The following SCMH1 variants were observed in gnomAD, a reference collection of about 807,000 sequenced individuals.
The protein encoded by SCMH1 is Scm polycomb group protein homolog 1.
SCMH1 carries 37 observed loss-of-function variants against 70.8 expected under a neutral mutation model. The observed-to-expected ratio is 0.52, with a 90% CI of 0.40 to 0.69. The LOEUF (loss-of-function observed/expected upper bound fraction) is 0.69. SCMH1 is among the 30% of genes least tolerant of loss of function. SCMH1 has a pLI of 0.00. For synonymous variants in SCMH1, 292 were observed against 307.4 expected (o/e 0.95, Z 0.52); for missense variants, 607 against 827.3 (o/e 0.73, Z 3.27).
intron 6 of SCMH1, among the ~76,000 whole-genome samples, chr1:41,123,509 TA>T (rs1013873935): frequency 2.0e-5 from 3 of 152,148 alleles, no homozygotes; most frequent in Non-Finnish European, 4.4e-5. Context: ...TAGGGAACAT[TA>T]AAGAATACAT....
intron 8 of SCMH1, among the ~76,000 whole-genome samples, chr1:41,090,327 T>C (rs921494919): frequency 1.3e-5 from 2 of 152,216 alleles, no homozygotes; most frequent in African/African-American, 4.8e-5. Context: ...AACATTATTT[T>C]ATATTTTTGC....
chr1:41,139,144 T>C (rs892910748), intron 6 of SCMH1, among the ~76,000 whole-genome samples: 4 of 152,148 alleles, frequency 2.6e-5, no homozygotes, highest in Non-Finnish European at 2.9e-5. Flanking sequence ...GACTGCCATC[T>C]CCAGTCCACT....
chr1:41,159,924 CT>C, intron 4 of SCMH1: 1 of 832,786 alleles, frequency 1.2e-6, no homozygotes, highest in Non-Finnish European at 1.7e-6. Flanking sequence ...ATGTAATCTT[CT>C]TTACAACCCT....
intron 1 of SCMH1, among the ~76,000 whole-genome samples, chr1:41,187,943 T>C (rs1650697440): frequency 6.6e-6 from 1 of 151,978 alleles, no homozygotes. Flanking sequence ...GCTATGGTCA[T>C]ACCACTGCAC....
intron 2 of SCMH1, among the ~76,000 whole-genome samples, chr1:41,168,192 AG>A (rs1646540340): frequency 6.6e-6 from 1 of 151,936 alleles, no homozygotes; most frequent in African/African-American, 2.4e-5. Flanking sequence ...TTCTGACATA[AG>A]GCTTGGGAAG....
chr1:41,142,228 A>G (rs1572550018), intron 6 of SCMH1, among the ~76,000 whole-genome samples: 4 of 152,080 alleles, frequency 2.6e-5, no homozygotes, highest in Admixed American at 2.0e-4. Flanking sequence ...GAGAGGAAGT[A>G]TAGTCAAAGT....
intron 9 of SCMH1, among the ~76,000 whole-genome samples, chr1:41,075,014 C>A (rs1329794590): frequency 1.3e-5 from 2 of 152,220 alleles, no homozygotes; most frequent in Non-Finnish European, 2.9e-5. Flanking sequence ...AGGCGCCCAC[C>A]ACCACGCCTG....
intron 8 of SCMH1, chr1:41,098,596 T>C (rs1275138720): frequency 6.6e-6 from 1 of 152,314 alleles, no homozygotes; most frequent in Non-Finnish European, 1.5e-5. Flanking sequence ...GAGAATTTTA[T>C]GGTTCTGAAA....
chr1:41,045,036 C>T (rs2268680), intron 12 of SCMH1, among the ~76,000 whole-genome samples: 7,586 of 152,270 alleles, frequency 0.05, 291 homozygotes, highest in East Asian at 0.094. Context: ...TCCATTCTTT[C>T]AGAATCCCAG....
chr1:41,126,781 C>T (rs1417379154), intron 6 of SCMH1, among the ~76,000 whole-genome samples: 1 of 152,048 alleles, frequency 6.6e-6, no homozygotes, highest in Non-Finnish European at 1.5e-5. Context: ...TGTGAATGTA[C>T]TATATAACAT....
intron 12 of SCMH1, among the ~76,000 whole-genome samples, chr1:41,038,977 C>G (rs1288953820): frequency 1.3e-5 from 2 of 152,176 alleles, no homozygotes; most frequent in Admixed American, 1.3e-4. Flanking sequence ...ATGCTGAGAA[C>G]ATCAAATGAG....
intron 1 of SCMH1, among the ~76,000 whole-genome samples, chr1:41,238,376 G>A (rs1290523191): frequency 2.0e-5 from 3 of 152,124 alleles, no homozygotes; most frequent in African/African-American, 7.2e-5. Flanking sequence ...TGATTAATAT[G>A]AGTCCTGAAT....
chr1:41,221,827 G>C (rs112076075), intron 1 of SCMH1, among the ~76,000 whole-genome samples: 4,990 of 139,662 alleles, frequency 0.036, 278 homozygotes, highest in African/African-American at 0.12. Flanking sequence ...GGGAGGCAGA[G>C]GTTGCTGTGA....
chr1:41,080,820 T>C (rs1228059360), intron 8 of SCMH1, among the ~76,000 whole-genome samples: 1 of 152,172 alleles, frequency 6.6e-6, no homozygotes, highest in Non-Finnish European at 1.5e-5. Context: ...GCATTCTTAA[T>C]GGTGAAATAT....
In SCMH1 at chr1:41,092,915, A is replaced by T. The variant is rs577203311; in HGVS notation, c.746-17464T>A. Among the ~76,000 whole-genome samples, 124 of 152,298 alleles carry T rather than the reference A, an allele frequency of 8.1e-4. 1 individual carries two copies. Among genetic ancestry groups the T allele is most frequent in the Admixed American group, 4.8e-3 (73 of 15,304 alleles). ...TGTGGAGAAATAGGAATGCTTTTAC[A>T]CTACTGGTGGGACTGTAAACTAGTT... On this transcript the variant is annotated intron_variant, in intron 8 of 14. Coordinates refer to ENST00000337495, the Ensembl canonical transcript of SCMH1.
rs530377206 is a variant in SCMH1 at position 41,134,185 on chromosome 1, C to T, written c.412+8693G>A. 3.3e-5 allele frequency among the ~76,000 whole-genome samples: 5 copies of T among 152,322 alleles called. No homozygotes were observed. In the South Asian group the frequency reaches 1.0e-3, roughly 32 times the overall value. On this transcript the variant is annotated intron_variant, in intron 6 of 14. Coordinates refer to ENST00000337495, the Ensembl canonical transcript of SCMH1. ...TAAACAGAACCAATGACAAACACCACATGATTATCTTAATAGATGCAGAAA... is the reference window on the plus strand; with the variant it reads ...TAAACAGAACCAATGACAAACACCATATGATTATCTTAATAGATGCAGAAA...
intron 8 of SCMH1, among the ~76,000 whole-genome samples, chr1:41,109,694 C>G (rs1218461011): frequency 6.6e-6 from 1 of 152,162 alleles, no homozygotes; most frequent in Non-Finnish European, 1.5e-5. Context: ...CTCTGACCAT[C>G]TTCTGTTGAA....
At chr1:41,177,085 T>TATCC in intron 2 of SCMH1, among the ~76,000 whole-genome samples, 1 of 152,250 alleles carries the variant, frequency 6.6e-6, no homozygotes, top group East Asian at 1.9e-4. Context: ...TGTTCACCAA[T>TATCC]ATCCGCTGTT....
intron 12 of SCMH1, chr1:41,041,538 T>C (rs1646168163): frequency 6.6e-6 from 1 of 152,178 alleles, no homozygotes; most frequent in Non-Finnish European, 1.5e-5. Context: ...CACCTTGAAG[T>C]TTAAGCTGTG....
Sources: allele counts gnomAD v4.1 joint callset (sites outside exome capture counted in the v4.1 genomes callset), GRCh38; gene constraint gnomAD v4.1.1; transcripts MANE v1.5; gene names NCBI Gene and HGNC (gene_info 2026-07-23, HGNC 2026-07-21).